DDI2: variants seen among roughly 807,000 people sequenced by gnomAD.
The protein encoded by DDI2 is protein DDI1 homolog 2.
DDI2 carries 5 observed loss-of-function variants against 48.1 expected under a neutral mutation model. The observed-to-expected ratio is 0.10, with a 90% CI of 0.05 to 0.22. The LOEUF (loss-of-function observed/expected upper bound fraction) is 0.22. Among genes scored for constraint, DDI2 ranks in the 10% least tolerant of loss-of-function variants. DDI2 has a pLI of 1.00. For synonymous variants in DDI2, 205 were observed against 183.6 expected, an observed-to-expected ratio of 1.12 and a Z score of -0.94; for missense variants, 285 against 506.2, an observed-to-expected ratio of 0.56 and a Z score of 4.19.
Position 15,660,372 on chromosome 1 carries a change from C to G in DDI2, c.*582C>G. 1 of 1,613,902 alleles carries G rather than the reference C, an allele frequency of 6.2e-7. No individual in the cohort carries two copies. The highest frequency in any genetic ancestry group is 8.5e-7 in the Non-Finnish European group (1 of 1,179,948). On this transcript the variant is annotated 3_prime_UTR_variant, in exon 10 of 10. Transcript: ENST00000480945. Reference sequence around the variant, plus strand: ...GTCAAGTGAGTGACCCTCAGCAGCACGAAGAACCAGGGAATGAACAGTATG... The same window carrying G: ...GTCAAGTGAGTGACCCTCAGCAGCAGGAAGAACCAGGGAATGAACAGTATG...
chr1:15,643,538 C>G lies in DDI2; in HGVS notation c.777C>G (p.Ile259Met). Residue 259 changes from isoleucine to methionine, a missense_variant, in exon 6 of 10, where the codon ATC becomes ATG. Transcript: ENST00000480945. ...CTCCTCCAGGTGCCCAGATGACTAT[C>G]ATGAGCCAAGCTTGTGCAGAAAGGT... ...AFVDSGAQMT[I>M]MSQACAERCN... 6.2e-7 allele frequency: 1 copy of G among 1,613,656 alleles called. No individual in the cohort carries two copies. The highest frequency in any genetic ancestry group is 8.5e-7 in the Non-Finnish European group (1 of 1,179,868).
intron 1 of DDI2, among the ~76,000 whole-genome samples, chr1:15,623,767 T>C (rs1639707733): frequency 6.6e-6 from 1 of 151,964 alleles, no homozygotes; most frequent in Non-Finnish European, 1.5e-5. Context: ...TTTTCTCTTA[T>C]AAATAGTTAG....
rs894350356 is a variant in DDI2 at position 15,661,933 on chromosome 1, A to G, written c.*2143A>G. The G allele has an allele frequency of 4.5e-6, 3 of 663,828 alleles. No homozygotes were observed. The African/African-American group carries it at 5.5e-5, about 12-fold the overall frequency. 41.1% of individuals were successfully genotyped at this position (663,828 alleles called of 1,614,324 possible). A position where few individuals can be genotyped will look rare whatever the true frequency, so the allele number is the denominator to read the frequency against. ...GAATTTGTCTATCCTACTTGTTAAAATTTAGGCCTTTTTAAATGTATTGGC... is the reference window on the plus strand; with the variant it reads ...GAATTTGTCTATCCTACTTGTTAAAGTTTAGGCCTTTTTAAATGTATTGGC... On this transcript the variant is annotated 3_prime_UTR_variant, in exon 10 of 10. Transcript: ENST00000480945.
At chr1:15,639,433 A>G (rs1639973977) in intron 5 of DDI2, among the ~76,000 whole-genome samples, 1 of 152,116 alleles carries the variant, frequency 6.6e-6, no homozygotes, top group African/African-American at 2.4e-5. Flanking sequence ...TCATTTGTTC[A>G]TCTACACATT....
intron 8 of DDI2, chr1:15,656,325 T>G: frequency 9.4e-7 from 1 of 1,068,998 alleles, no homozygotes; most frequent in Non-Finnish European, 1.2e-6. Flanking sequence ...GGATCTACTT[T>G]CTTCACCTGT....
intron 1 of DDI2, among the ~76,000 whole-genome samples, chr1:15,622,924 C>T (rs1259098853): frequency 2.0e-5 from 3 of 152,168 alleles, no homozygotes; most frequent in African/African-American, 7.2e-5. Flanking sequence ...GGAACGTGTG[C>T]GCCTCACCCA....
chr1:15,640,620 T>TC (rs1368092689), intron 5 of DDI2, among the ~76,000 whole-genome samples: 1 of 152,206 alleles, frequency 6.6e-6, no homozygotes, highest in East Asian at 1.9e-4. Context: ...CTTTGGAAAA[T>TC]GCAGGAGAGC....
At chr1:15,649,687 A>G in intron 6 of DDI2, 33 bp from the exon 7 acceptor site, 2 of 1,597,738 alleles carry the variant, frequency 1.3e-6, no homozygotes, top group Non-Finnish European at 1.7e-6. Flanking sequence ...TGAAGTACGT[A>G]ACAATAACCT....
intron 9 of DDI2, among the ~76,000 whole-genome samples, chr1:15,659,173 C>T (rs1640318808): frequency 6.6e-6 from 1 of 152,158 alleles, no homozygotes; most frequent in Non-Finnish European, 1.5e-5. Context: ...TAAAATAGAA[C>T]ATTTGCTTCT....
rs1640462049 is a variant in DDI2, at chr1:15,666,918, C to A, written c.*7128C>A. 6.6e-6 allele frequency: 1 copy of A among 152,148 alleles called. No homozygotes were observed. The highest frequency in any genetic ancestry group is 2.4e-5 in the African/African-American group (1 of 41,432). The allele number at this position is 152,148 out of a possible 1,614,324, so 9.4% of individuals were successfully genotyped here. A position where few individuals can be genotyped will look rare whatever the true frequency, so the allele number is the denominator to read the frequency against. ...GGGCCTAAAACAGCTCTTTAAAAAT[C>A]TATTTTTTTAGGCCAGGTGCGTTGG... On this transcript the variant is annotated 3_prime_UTR_variant, in exon 10 of 10. Coordinates refer to ENST00000480945, the MANE Select transcript of DDI2 (RefSeq NM_032341.5).
At chr1:15,651,971 A>G in intron 8 of DDI2, 76 bp downstream of exon 8, 2 of 1,398,802 alleles carry the variant, frequency 1.4e-6, no homozygotes, top group Non-Finnish European at 1.9e-6. Flanking sequence ...CAGAAGGGGT[A>G]GGAACCTTTC....
rs1640387220 is a variant in DDI2 at position 15,661,779 on chromosome 1, T to C, written c.*1989T>C. 6.5e-7 allele frequency: 1 copy of C among 1,531,516 alleles called. No individual in the cohort carries two copies. Among genetic ancestry groups the C allele is most frequent in the African/African-American group, 1.4e-5 (1 of 72,434 alleles). The allele number at this position is 1,531,516 out of a possible 1,614,324, so 94.9% of individuals were successfully genotyped here. ...TCCCTTTAAACAAAAGAAAGCTCTCTCTATATACACGCACACATACACACT... is the reference window on the plus strand; with the variant it reads ...TCCCTTTAAACAAAAGAAAGCTCTCCCTATATACACGCACACATACACACT... On this transcript the variant is annotated 3_prime_UTR_variant, in exon 10 of 10. Transcript: ENST00000480945.
intron 6 of DDI2, among the ~76,000 whole-genome samples, chr1:15,647,790 C>T (rs2103475698): frequency 6.6e-6 from 1 of 152,112 alleles, no homozygotes; most frequent in East Asian, 1.9e-4. Flanking sequence ...AGCGAAACCA[C>T]ATCTCTACTA....
At chr1:15,647,340 G>A (rs1640108201) in intron 6 of DDI2, among the ~76,000 whole-genome samples, 1 of 151,964 alleles carries the variant, frequency 6.6e-6, no homozygotes, top group African/African-American at 2.4e-5. Flanking sequence ...TAGAGACAGG[G>A]TTTCACCATG....
chr1:15,660,874 G>T lies in DDI2; in HGVS notation c.*1084G>T. Reference sequence around the variant, plus strand: ...CCATTACTCCTCTCCAAGTCTCTGTGGCAGTTGTCAGCCTTCTGTGGAGTC... The same window carrying T: ...CCATTACTCCTCTCCAAGTCTCTGTTGCAGTTGTCAGCCTTCTGTGGAGTC... On this transcript the variant is annotated 3_prime_UTR_variant, in exon 10 of 10. Transcript: ENST00000480945. 1.2e-6 allele frequency: 2 copies of T among 1,614,142 alleles called. No homozygotes were observed. Among genetic ancestry groups the T allele is most frequent in the South Asian group, 1.1e-5 (1 of 91,078 alleles).
chr1:15,633,720 T>A, intron 4 of DDI2, 155 bp downstream of exon 4: 1 of 1,089,480 alleles, frequency 9.2e-7, no homozygotes, highest in Non-Finnish European at 1.4e-6. Context: ...CTCTCCTCTT[T>A]CATTTTCTAT....
chr1:15,632,912 CT>C (rs1222613153), intron 3 of DDI2, among the ~76,000 whole-genome samples: 6 of 99,898 alleles, frequency 6.0e-5, no homozygotes, highest in South Asian at 3.2e-4. Context: ...TTTGCAAATA[CT>C]TTTTTTTTTT....
chr1:15,660,021 A>G lies in DDI2; in HGVS notation c.*231A>G. Reference sequence around the variant, plus strand: ...GTGACTCAGATCGCATTGAACCTAAAGCTGTGAAGGCTTTGAAGGCTTCAG... The same window carrying G: ...GTGACTCAGATCGCATTGAACCTAAGGCTGTGAAGGCTTTGAAGGCTTCAG... On this transcript the variant is annotated 3_prime_UTR_variant, in exon 10 of 10. Transcript: ENST00000480945. 6.2e-7 allele frequency: 1 copy of G among 1,614,174 alleles called. No homozygotes were observed. Among genetic ancestry groups the G allele is most frequent in the Non-Finnish European group, 8.5e-7 (1 of 1,180,034 alleles).
chr1:15,632,153 G>C (rs1639856086), intron 3 of DDI2, among the ~76,000 whole-genome samples: 1 of 152,148 alleles, frequency 6.6e-6, no homozygotes, highest in Non-Finnish European at 1.5e-5. Context: ...CATCTGTATT[G>C]TGTGCATTAG....
Sources: gnomAD v4.1 joint callset for allele counts (sites outside exome capture counted in the v4.1 genomes callset) on GRCh38, gnomAD v4.1.1 for gene constraint, MANE v1.5 for transcripts, NCBI Gene and HGNC (gene_info 2026-07-23, HGNC 2026-07-21) for gene names.